The following EYS variants were observed in gnomAD, a reference collection of about 807,000 sequenced individuals.
EYS encodes the protein EGF-like photoreceptor maintenance factor, also known as protein eyes shut homolog.
In EYS, 250 loss-of-function variants were observed where a neutral mutation model predicts 282.1. The observed-to-expected ratio is 0.89, with a 90% confidence interval of 0.80 to 0.98. The LOEUF (loss-of-function observed/expected upper bound fraction) is 0.98. Ranked by LOEUF, EYS falls within the 50% of genes least tolerant of loss-of-function variation. EYS has a pLI of 0.00. For synonymous variants in EYS, 1,355 were observed against 1,282.9 expected (o/e 1.06, Z -1.20); for missense variants, 4,016 against 3,709.0 (o/e 1.08, Z -2.15).
At chr6:64,391,796 G>C (rs1421333980) in intron 28 of EYS, among the ~76,000 whole-genome samples, 3 of 152,064 alleles carry the variant, frequency 2.0e-5, no homozygotes, top group Non-Finnish European at 4.4e-5. Flanking sequence ...AAATGTAAAT[G>C]GGCTAAATGC....
At chr6:65,154,531 T>C (rs917653735) in intron 12 of EYS, among the ~76,000 whole-genome samples, 3 of 151,688 alleles carry the variant, frequency 2.0e-5, no homozygotes, top group Non-Finnish European at 4.4e-5. Flanking sequence ...TTTATAATTA[T>C]ATGTTTAATA....
At chr6:64,858,462 T>C (rs1157266476) in intron 19 of EYS, among the ~76,000 whole-genome samples, 1 of 152,150 alleles carries the variant, frequency 6.6e-6, no homozygotes, top group South Asian at 2.1e-4. Flanking sequence ...GATGTGTCTC[T>C]CTTTTTATGC....
intron 34 of EYS, among the ~76,000 whole-genome samples, chr6:63,987,975 A>G (rs1767444083): frequency 1.3e-5 from 2 of 151,746 alleles, no homozygotes; most frequent in South Asian, 4.1e-4. Context: ...TCTTTTTAAA[A>G]GACTGAGTCT....
chr6:64,627,752 C>T (rs754678438), intron 22 of EYS, among the ~76,000 whole-genome samples: 1 of 152,176 alleles, frequency 6.6e-6, no homozygotes, highest in East Asian at 1.9e-4. Flanking sequence ...AGATCCTTAC[C>T]TAGCTGAAGA....
chr6:64,936,336 C>T (rs1768905768), intron 15 of EYS, among the ~76,000 whole-genome samples: 1 of 151,420 alleles, frequency 6.6e-6, no homozygotes, highest in South Asian at 2.1e-4. Context: ...CTACAGCTAA[C>T]ATCATACTTT....
chr6:63,952,756 C>T (rs909144946), intron 35 of EYS, among the ~76,000 whole-genome samples: 24 of 152,170 alleles, frequency 1.6e-4, no homozygotes, highest in Non-Finnish European at 2.2e-4. Context: ...CCTTGTATCT[C>T]CCCACCTTAA....
intron 36 of EYS, among the ~76,000 whole-genome samples, chr6:63,836,298 C>T (rs1311074753): frequency 6.6e-6 from 1 of 151,854 alleles, no homozygotes; most frequent in Non-Finnish European, 1.5e-5. Context: ...AACAGAAATT[C>T]TGTTTGCTCT....
At chr6:63,961,610 C>T (rs1332207980) in intron 35 of EYS, among the ~76,000 whole-genome samples, 2 of 151,950 alleles carry the variant, frequency 1.3e-5, no homozygotes, top group African/African-American at 2.4e-5. Flanking sequence ...ATATTTATTG[C>T]TCTATATTTA....
intron 5 of EYS, among the ~76,000 whole-genome samples, chr6:65,477,180 C>T (rs531216857): frequency 1.3e-5 from 2 of 152,156 alleles, no homozygotes; most frequent in African/African-American, 4.8e-5. Context: ...TTTTCATTTT[C>T]AAGTTTTTGT....
intron 13 of EYS, among the ~76,000 whole-genome samples, chr6:65,055,499 C>T (rs1773386806): frequency 6.6e-6 from 1 of 151,950 alleles, no homozygotes; most frequent in African/African-American, 2.4e-5. Context: ...TAACTAATGT[C>T]TGTACTTTAT....
rs1300374801 is a variant in EYS at position 65,593,984 on chromosome 6, T to G, written c.-333+45794A>C. 3.9e-5 allele frequency among the ~76,000 whole-genome samples: 6 copies of G among 151,976 alleles called. No individual in the cohort carries two copies. The East Asian group carries it at 1.2e-3, about 29-fold the overall frequency. On this transcript the variant is annotated intron_variant, in intron 2 of 42. Transcript: ENST00000503581. ...GAAGGTCAAATAACTTGACTAAAAA[T>G]CAGTCAGCTGTTAGGTAGCATAGAC...
At chr6:64,214,358 C>T (rs1765867218) in intron 31 of EYS, among the ~76,000 whole-genome samples, 1 of 152,098 alleles carries the variant, frequency 6.6e-6, no homozygotes, top group South Asian at 2.1e-4. Flanking sequence ...ACAGATATGA[C>T]TTTTAGATTC....
intron 41 of EYS, among the ~76,000 whole-genome samples, chr6:63,749,753 C>T (rs1247683779): frequency 6.6e-6 from 1 of 152,170 alleles, no homozygotes; most frequent in Non-Finnish European, 1.5e-5. Context: ...CCCATTCCCC[C>T]AGAGTCACTG....
At chr6:63,903,934 C>A (rs1380649156) in intron 35 of EYS, among the ~76,000 whole-genome samples, 1 of 152,210 alleles carries the variant, frequency 6.6e-6, no homozygotes, top group African/African-American at 2.4e-5. Flanking sequence ...TGAAATTATA[C>A]AAACATCTTT....
chr6:63,721,876 T>G (rs1243370668), intron 42 of EYS, 79 bp from the exon 43 acceptor site: 1 of 1,350,062 alleles, frequency 7.4e-7, no homozygotes, highest in Non-Finnish European at 9.9e-7. Context: ...CTGGCCAAGT[T>G]GGATAAGTTT....
intron 14 of EYS, among the ~76,000 whole-genome samples, chr6:64,987,715 C>A (rs1419006946): frequency 6.6e-6 from 1 of 151,366 alleles, no homozygotes; most frequent in Admixed American, 6.6e-5. Context: ...GTGAAATATA[C>A]CTTCTATGAT....
rs150803084 is a variant in EYS, at chr6:64,333,964, C to T, written c.6079-26882G>A. Among the ~76,000 whole-genome samples the T allele has an allele frequency of 1.9e-3, 285 of 152,272 alleles. 3 individuals are homozygous for T. In the East Asian group the frequency reaches 0.037, roughly 20 times the overall value. On this transcript the variant is annotated intron_variant, in intron 29 of 42. Transcript: ENST00000503581. ...AATTTTACCTTGCCCGAATTTGCTA[C>T]AAAATTCAGTGCAAATCCAAGTGTT...
chr6:64,441,755 C>T (rs776864930), intron 26 of EYS, among the ~76,000 whole-genome samples: 66 of 152,316 alleles, frequency 4.3e-4, no homozygotes, highest in Non-Finnish European at 8.1e-4. Context: ...CCTGCACAAG[C>T]TATCTCTGCC....
intron 2 of EYS, among the ~76,000 whole-genome samples, chr6:65,562,586 C>T (rs748029359): frequency 6.6e-6 from 1 of 151,772 alleles, no homozygotes; most frequent in Non-Finnish European, 1.5e-5. Context: ...ATAGCAAGAC[C>T]CTGGAGATAG....
Sources: allele counts gnomAD v4.1 joint callset (sites outside exome capture counted in the v4.1 genomes callset), GRCh38; gene constraint gnomAD v4.1.1; transcripts MANE v1.5; gene names NCBI Gene and HGNC (gene_info 2026-07-23, HGNC 2026-07-21).